The following AMBRA1 variants were observed in gnomAD, a reference collection of about 807,000 sequenced individuals.
AMBRA1 encodes autophagy and beclin 1 regulator 1.
Under a neutral mutation model 125.4 loss-of-function variants are expected in AMBRA1, and 47 were observed. The ratio of observed to expected loss-of-function variants is 0.37; its 90% CI spans 0.30 to 0.48. The LOEUF (loss-of-function observed/expected upper bound fraction) is 0.48, where lower values mean the gene tolerates loss of function less well. Among genes scored for constraint, AMBRA1 ranks in the 20% least tolerant of loss-of-function variants. The pLI is 0.99. For missense variants in AMBRA1, 1,331 were observed against 1,693.4 expected, an observed-to-expected ratio of 0.79 and a Z score of 3.76; for synonymous variants, 626 against 655.5, an observed-to-expected ratio of 0.95 and a Z score of 0.69.
intron 11 of AMBRA1, among the ~76,000 whole-genome samples, chr11:46,468,814 C>CAAAAAA (rs11337927): frequency 9.6e-6 from 1 of 104,554 alleles, no homozygotes; most frequent in Non-Finnish European, 2.0e-5. Context: ...GGCTCCGTCT[C>CAAAAAA]AAAAAAAAAA....
intron 7 of AMBRA1, among the ~76,000 whole-genome samples, chr11:46,526,181 G>A (rs934551741): frequency 5.3e-5 from 8 of 151,988 alleles, no homozygotes; most frequent in African/African-American, 1.9e-4. Flanking sequence ...ACTCCAGTCT[G>A]GGCAACAAGA....
In AMBRA1 at chr11:46,545,747, G is replaced by C; in HGVS notation, c.408C>G (p.Ser136Arg). 6.2e-7 allele frequency: 1 copy of C among 1,614,160 alleles called. No individual in the cohort carries two copies. The highest frequency in any genetic ancestry group is 8.5e-7 in the Non-Finnish European group (1 of 1,180,018). ...AAGCCAGGGAGGCAATGGCATTGTTGCTATCTGTGAACCAGCTTTCACTGC... is the reference window on the plus strand; with the variant it reads ...AAGCCAGGGAGGCAATGGCATTGTTCCTATCTGTGAACCAGCTTTCACTGC... ...HGGSESWFTD[S>R]NNAIASLAFH... The change falls in exon 5 of 18, where the codon AGC (serine) becomes AGG (arginine). Residue 136 changes from serine (S) to arginine (R), a missense_variant. Transcript: ENST00000683756.
intron 11 of AMBRA1, among the ~76,000 whole-genome samples, chr11:46,458,983 C>T (rs1242493134): frequency 6.6e-6 from 1 of 152,168 alleles, no homozygotes; most frequent in Non-Finnish European, 1.5e-5. Context: ...CATATACATC[C>T]AGGAACAGGA....
intron 7 of AMBRA1, among the ~76,000 whole-genome samples, chr11:46,515,962 C>A (rs117580788): frequency 0.016 from 2,452 of 152,342 alleles, 24 homozygotes; most frequent in Non-Finnish European, 0.022. Flanking sequence ...GTGTGAGCCA[C>A]TGTGCTGGCC....
chr11:46,422,482 C>T (rs111542162), intron 14 of AMBRA1, among the ~76,000 whole-genome samples: 4 of 152,134 alleles, frequency 2.6e-5, no homozygotes, highest in South Asian at 2.1e-4. Context: ...CCTCTCTACC[C>T]CTCAAACTCT....
In AMBRA1 at chr11:46,429,173, T is replaced by C; in HGVS notation, c.2976+4301A>G. ...CATCTGGCAGGTCTCCGCCACGCAC[T>C]GGCTTCATCCTCCCCCTCTCCCTCG... On this transcript the variant is annotated intron_variant, in intron 14 of 17. Transcript: ENST00000683756. The C allele has an allele frequency of 1.9e-6, 3 of 1,538,476 alleles. No individual in the cohort carries two copies. The South Asian group carries it at 3.5e-5, about 18-fold the overall frequency.
intron 7 of AMBRA1, among the ~76,000 whole-genome samples, chr11:46,541,420 T>C (rs566070580): frequency 1.3e-5 from 2 of 152,108 alleles, no homozygotes; most frequent in Non-Finnish European, 2.9e-5. Flanking sequence ...TATATATACA[T>C]ATATGTATTT....
At chr11:46,591,112 T>C (rs779949010) in intron 1 of AMBRA1, 12 of 152,262 alleles carry the variant, frequency 7.9e-5, no homozygotes, top group Non-Finnish European at 1.3e-4. Flanking sequence ...TAAGATTGCT[T>C]CATGACACTC....
rs1952845539 is a variant in AMBRA1, at chr11:46,543,327, T to C, written c.690A>G (p.Gln230=). Residue 230 remains glutamine, a synonymous_variant, in exon 7 of 18, where the codon CAA becomes CAG. Coordinates refer to ENST00000683756, the MANE Select transcript of AMBRA1 (RefSeq NM_001387011.1). ...GAGGCGTCCGGCGAACTGGCTGTGA[T>C]TGCAGGAGGGCACGCTGACGGTAGT... ...LSHYRQRALL[Q]SQPVRRTPLL... 5 of 1,614,036 alleles carry C rather than the reference T, an allele frequency of 3.1e-6. No homozygotes were observed. The East Asian group carries it at 6.7e-5, about 22-fold the overall frequency.
rs1457282479 is a variant in AMBRA1, at chr11:46,518,046, A to G, written c.2073-5233T>C. ...TCTATACGTTTTCTGCAAGTTTGAA[A>G]TTATTTCAAAATGAAAAACAAAAAC... On this transcript the variant is annotated intron_variant, in intron 7 of 17. Transcript: ENST00000683756. 4.5e-6 allele frequency: 4 copies of G among 892,908 alleles called. No individual in the cohort carries two copies. In the African/African-American group the frequency reaches 5.4e-5, roughly 12 times the overall value. The allele number at this position is 892,908 out of a possible 1,614,324, so 55.3% of individuals were successfully genotyped here.
chr11:46,418,285 T>G (rs1946651478), intron 14 of AMBRA1, among the ~76,000 whole-genome samples: 1 of 143,006 alleles, frequency 7.0e-6, no homozygotes, highest in Non-Finnish European at 1.5e-5. Flanking sequence ...GTTTTATTAT[T>G]TATATATAAA....
chr11:46,398,940 A>AT (rs1945584640), intron 17 of AMBRA1, among the ~76,000 whole-genome samples: 1 of 150,530 alleles, frequency 6.6e-6, no homozygotes. Context: ...TACCTGGCTC[A>AT]TTTTTGTATT....
At chr11:46,444,106 A>C (rs1167778694) in intron 11 of AMBRA1, among the ~76,000 whole-genome samples, 1 of 152,252 alleles carries the variant, frequency 6.6e-6, no homozygotes, top group Admixed American at 6.5e-5. Flanking sequence ...TCCAGGGAAG[A>C]GGCAGCTACT....
At chr11:46,470,946 T>C (rs1304023504) in intron 11 of AMBRA1, among the ~76,000 whole-genome samples, 2 of 152,108 alleles carry the variant, frequency 1.3e-5, no homozygotes, top group African/African-American at 4.8e-5. Context: ...AAGTTCACCA[T>C]ATAGTATGTT....
At chr11:46,450,706 G>A (rs948638268) in intron 11 of AMBRA1, among the ~76,000 whole-genome samples, 2 of 152,182 alleles carry the variant, frequency 1.3e-5, no homozygotes, top group Non-Finnish European at 2.9e-5. Context: ...GCCTCCCAAA[G>A]TGTTGGGATT....
intron 11 of AMBRA1, among the ~76,000 whole-genome samples, chr11:46,478,724 G>A (rs1590911596): frequency 8.0e-6 from 1 of 124,944 alleles, no homozygotes; most frequent in South Asian, 2.4e-4. Context: ...GCGCAATCTC[G>A]GCTCACTGCA....
At chr11:46,483,769 G>A (rs1016595450) in intron 11 of AMBRA1, among the ~76,000 whole-genome samples, 1 of 152,128 alleles carries the variant, frequency 6.6e-6, no homozygotes, top group African/African-American at 2.4e-5. Context: ...GCGTGGTGGT[G>A]TACGCCTATA....
intron 14 of AMBRA1, among the ~76,000 whole-genome samples, chr11:46,426,055 G>A (rs1200472992): frequency 2.0e-5 from 3 of 148,402 alleles, no homozygotes; most frequent in African/African-American, 7.5e-5. Flanking sequence ...GCTGAGGCGA[G>A]ACTCCATCTC....
At chr11:46,501,878 G>A (rs1206589758) in intron 9 of AMBRA1, among the ~76,000 whole-genome samples, 2 of 152,090 alleles carry the variant, frequency 1.3e-5, no homozygotes, top group African/African-American at 2.4e-5. Context: ...GGTAAAATTA[G>A]TTTCATTATA....
Sources: allele counts gnomAD v4.1 joint callset (sites outside exome capture counted in the v4.1 genomes callset), GRCh38; gene constraint gnomAD v4.1.1; transcripts MANE v1.5; gene names NCBI Gene and HGNC (gene_info 2026-07-23, HGNC 2026-07-21).